PTPRD: variants seen among roughly 807,000 people sequenced by gnomAD.
The protein encoded by PTPRD is protein tyrosine phosphatase receptor type D, also known as receptor-type tyrosine-protein phosphatase delta.
PTPRD carries 34 observed loss-of-function variants against 214.5 expected under a neutral mutation model. The ratio of observed to expected loss-of-function variants is 0.16; its 90% CI spans 0.12 to 0.21. The LOEUF is 0.21. PTPRD is among the 10% of genes least tolerant of loss of function. The pLI is 1.00. For missense variants in PTPRD, 2,545 were observed against 2,398.7 expected (o/e 1.06, Z -1.27); for synonymous variants, 1,128 against 845.7 (o/e 1.33, Z -5.79).
chr9:9,587,768 C>G (rs1363829658), intron 7 of PTPRD, among the ~76,000 whole-genome samples: 2 of 151,898 alleles, frequency 1.3e-5, no homozygotes, highest in Non-Finnish European at 2.9e-5. Flanking sequence ...AAGACAAATA[C>G]TGCATGTTCT....
intron 35 of PTPRD, among the ~76,000 whole-genome samples, chr9:8,433,434 G>T (rs896597998): frequency 6.6e-6 from 1 of 152,112 alleles, no homozygotes; most frequent in African/African-American, 2.4e-5. Flanking sequence ...ACAGCCTTAG[G>T]TAGGTCCTTC....
At chr9:8,477,758 C>G (rs1028562605) in intron 30 of PTPRD, among the ~76,000 whole-genome samples, 6 of 152,158 alleles carry the variant, frequency 3.9e-5, no homozygotes. Flanking sequence ...TGGGGCAGTC[C>G]TGTTTATGTC....
chr9:9,429,731 G>T (rs1165109586), intron 8 of PTPRD, among the ~76,000 whole-genome samples: 1 of 152,196 alleles, frequency 6.6e-6, no homozygotes, highest in Non-Finnish European at 1.5e-5. Context: ...TCCCTGGAAT[G>T]CAATGCTGGT....
chr9:8,653,006 G>T lies in PTPRD; in HGVS notation c.65-16162C>A, dbSNP rs149609057. Among the ~76,000 whole-genome samples, 18 of 152,250 alleles carry T rather than the reference G, an allele frequency of 1.2e-4. No individual in the cohort carries two copies. In the East Asian group the frequency reaches 3.1e-3, roughly 26 times the overall value. ...TCCATCTTTATATAACCCAGTCATA[G>T]TCACTAATTTAATGAAAGGAAAGGT... On this transcript the variant is annotated intron_variant, in intron 12 of 45. Transcript: ENST00000381196.
intron 14 of PTPRD, among the ~76,000 whole-genome samples, chr9:8,537,069 C>A (rs762873889): frequency 6.6e-6 from 1 of 151,950 alleles, no homozygotes; most frequent in Non-Finnish European, 1.5e-5. Flanking sequence ...TTTATTTTCA[C>A]CATTCCAGAT....
chr9:8,563,935 G>C (rs2087645624), intron 14 of PTPRD, among the ~76,000 whole-genome samples: 1 of 152,166 alleles, frequency 6.6e-6, no homozygotes, highest in Non-Finnish European at 1.5e-5. Flanking sequence ...CAAAGTGCTG[G>C]GATTGCAGGC....
chr9:9,217,566 C>A (rs904235380), intron 9 of PTPRD, among the ~76,000 whole-genome samples: 2 of 152,066 alleles, frequency 1.3e-5, no homozygotes, highest in African/African-American at 4.8e-5. Context: ...CCATTCAGGA[C>A]TCCATCTACA....
At chr9:10,549,576 G>A (rs1566880537) in intron 2 of PTPRD, among the ~76,000 whole-genome samples, 1 of 152,056 alleles carries the variant, frequency 6.6e-6, no homozygotes, top group Non-Finnish European at 1.5e-5. Flanking sequence ...ACTACAGAGA[G>A]AACTTGACAC....
At chr9:10,561,072 A>G (rs973138698) in intron 2 of PTPRD, among the ~76,000 whole-genome samples, 1 of 152,270 alleles carries the variant, frequency 6.6e-6, no homozygotes, top group African/African-American at 2.4e-5. Flanking sequence ...AATTCCATGA[A>G]TATATAAAAT....
chr9:9,976,360 TATGC>T (rs1167118498), intron 4 of PTPRD, among the ~76,000 whole-genome samples: 2 of 152,090 alleles, frequency 1.3e-5, no homozygotes, highest in Non-Finnish European at 2.9e-5. Flanking sequence ...ATACACTTTT[TATGC>T]ATCATCCAGG....
At chr9:8,895,659 C>A (rs1460790289) in intron 11 of PTPRD, among the ~76,000 whole-genome samples, 1 of 152,114 alleles carries the variant, frequency 6.6e-6, no homozygotes, top group African/African-American at 2.4e-5. Flanking sequence ...CAGATAATCC[C>A]AGGTTTTTAA....
intron 11 of PTPRD, among the ~76,000 whole-genome samples, chr9:8,879,730 A>G (rs902656846): frequency 1.3e-5 from 2 of 152,158 alleles, no homozygotes; most frequent in East Asian, 3.9e-4. Context: ...TGGCATAACA[A>G]TCTTGCATTG....
chr9:8,564,104 C>G (rs1035599834), intron 14 of PTPRD, among the ~76,000 whole-genome samples: 4 of 152,140 alleles, frequency 2.6e-5, no homozygotes, highest in Admixed American at 6.5e-5. Flanking sequence ...GACAGCAGAT[C>G]CAAGCTGTAA....
intron 8 of PTPRD, among the ~76,000 whole-genome samples, chr9:9,422,261 C>G (rs4403465): frequency 0.8 from 122,365 of 152,042 alleles, 49,381 homozygotes; most frequent in Non-Finnish European, 0.81. Context: ...CTCCAGGTCA[C>G]ACAGCTAAGG....
chr9:8,660,140 T>C (rs1435807451), intron 12 of PTPRD, among the ~76,000 whole-genome samples: 1 of 152,200 alleles, frequency 6.6e-6, no homozygotes, highest in East Asian at 1.9e-4. Context: ...CCACCTCAGT[T>C]TCCCCAAATA....
chr9:10,309,232 CACTT>C (rs959450606), intron 3 of PTPRD, among the ~76,000 whole-genome samples: 6 of 152,000 alleles, frequency 3.9e-5, no homozygotes, highest in South Asian at 2.1e-4. Context: ...TTAATTTTTC[CACTT>C]ACTTTCTTTC....
chr9:8,770,521 T>A lies in PTPRD; in HGVS notation c.-103-36575A>T, dbSNP rs183045925. Among the ~76,000 whole-genome samples, 262 of 152,298 alleles carry A rather than the reference T, an allele frequency of 1.7e-3. 1 individual carries two copies. Among genetic ancestry groups the A allele is most frequent in the African/African-American group, 5.9e-3 (245 of 41,566 alleles). ...TCTAAACTGTGTAATATGGAAGATTTAATTATTATTAGACAATGGTGTAGT... is the reference window on the plus strand; with the variant it reads ...TCTAAACTGTGTAATATGGAAGATTAAATTATTATTAGACAATGGTGTAGT... On this transcript the variant is annotated intron_variant, in intron 11 of 45. Transcript: ENST00000381196.
rs559952903 is a variant in PTPRD, at chr9:10,180,746, A to G, written c.-544-146956T>C. 1.6e-4 allele frequency among the ~76,000 whole-genome samples: 24 copies of G among 152,090 alleles called. 1 individual carries two copies. In the East Asian group the frequency reaches 4.3e-3, roughly 27 times the overall value. ...GATGTATGATTTATCCCAGAAATGC[A>G]AAGGTGACTCAACCTTTGATTATTT... On this transcript the variant is annotated intron_variant, in intron 3 of 45. Coordinates refer to ENST00000381196, the MANE Select transcript of PTPRD (RefSeq NM_002839.4).
chr9:8,778,325 C>G lies in PTPRD; in HGVS notation c.-103-44379G>C, dbSNP rs936868224. On this transcript the variant is annotated intron_variant, in intron 11 of 45. Coordinates refer to ENST00000381196, the MANE Select transcript of PTPRD (RefSeq NM_002839.4). Reference sequence around the variant, plus strand: ...CCTTTTTATCATATTTTTGAGACACCAAAGTTCCTTTCTTCTTTGATTTAT... The same window carrying G: ...CCTTTTTATCATATTTTTGAGACACGAAAGTTCCTTTCTTCTTTGATTTAT... 3.3e-5 allele frequency among the ~76,000 whole-genome samples: 5 copies of G among 152,078 alleles called. 1 individual carries two copies. Among genetic ancestry groups the G allele is most frequent in the African/African-American group, 4.8e-5 (2 of 41,400 alleles).
Sources: allele counts gnomAD v4.1 joint callset (sites outside exome capture counted in the v4.1 genomes callset), GRCh38; gene constraint gnomAD v4.1.1; transcripts MANE v1.5; gene names NCBI Gene and HGNC (gene_info 2026-07-23, HGNC 2026-07-21).